Variants in PIK3CD observed in about 807,000 individuals in gnomAD.
PIK3CD encodes phosphatidylinositol-4,5-bisphosphate 3-kinase catalytic subunit delta, also known as phosphatidylinositol 4,5-bisphosphate 3-kinase catalytic subunit delta isoform.
PIK3CD carries 20 observed loss-of-function variants against 122.9 expected under a neutral mutation model. The observed-to-expected ratio is 0.16, with a 90% CI of 0.11 to 0.24. The LOEUF (loss-of-function observed/expected upper bound fraction) is 0.24. PIK3CD is among the 10% of genes least tolerant of loss of function. PIK3CD has a pLI of 1.00. For synonymous variants in PIK3CD, 596 were observed against 593.4 expected (o/e 1.00, Z -0.06); for missense variants, 787 against 1,406.3 (o/e 0.56, Z 7.04).
At chr1:9,696,411 A>AC (rs1172756695) in intron 2 of PIK3CD, among the ~76,000 whole-genome samples, 3 of 151,924 alleles carry the variant, frequency 2.0e-5, no homozygotes, top group African/African-American at 7.3e-5. Context: ...ACATAGTGAG[A>AC]CCCCATCTCT....
Position 9,718,680 on chromosome 1 carries a change from G to T in PIK3CD, c.1021-14G>T. 6.3e-7 allele frequency: 1 copy of T among 1,599,838 alleles called. No individual in the cohort carries two copies. Among genetic ancestry groups the T allele is most frequent in the Non-Finnish European group, 8.5e-7 (1 of 1,178,308 alleles). ...CCTCTGCCTCCTCACCCATCATCCC[G>T]GCACCTTCTACAGCTGGTGGTGCAG... is the stretch of plus-strand genomic sequence containing the variant. On this transcript the variant is annotated splice_polypyrimidine_tract_variant and intron_variant, in intron 8 of 23. Transcript: ENST00000377346. The surrounding 1 kb of genome is among the most constrained non-coding windows in gnomAD (Gnocchi z 7.2).
intron 23 of PIK3CD, among the ~76,000 whole-genome samples, chr1:9,726,248 C>G (rs1649559759): frequency 6.6e-6 from 1 of 151,712 alleles, no homozygotes; most frequent in South Asian, 2.1e-4. Context: ...ATGGCTCAGG[C>G]CTGTAAACCC....
chr1:9,648,349 G>A (rs958503387), upstream of PIK3CD, among the ~76,000 whole-genome samples: 1 of 152,206 alleles, frequency 6.6e-6, no homozygotes, highest in Non-Finnish European at 1.5e-5. Flanking sequence ...GATTTGAATT[G>A]CTGTCAGCAA....
At chr1:9,667,200 A>G (rs1167220071) in intron 1 of PIK3CD, among the ~76,000 whole-genome samples, 1 of 151,988 alleles carries the variant, frequency 6.6e-6, no homozygotes, top group Non-Finnish European at 1.5e-5. Context: ...GCACAGTGGC[A>G]TGCACCTGTA....
chr1:9,691,741 G>C, intron 2 of PIK3CD, 170 bp downstream of exon 2: 1 of 386,526 alleles, frequency 2.6e-6, no homozygotes, highest in Non-Finnish European at 4.6e-6. Context: ...TTGGTGCTAG[G>C]AGCGAATGAA....
chr1:9,726,541 T>C (rs1649657481), intron 23 of PIK3CD, among the ~76,000 whole-genome samples: 1 of 152,160 alleles, frequency 6.6e-6, no homozygotes, highest in South Asian at 2.1e-4. Context: ...ATATGTATTT[T>C]TTTTCCTTCT....
In PIK3CD at chr1:9,728,877, CTG is replaced by C. The variant is rs1650121265; in HGVS notation, c.*1834_*1835del. 1 of 152,188 alleles carries C rather than the reference CTG, an allele frequency of 6.6e-6. No homozygotes were observed. The highest frequency in any genetic ancestry group is 2.4e-5 in the African/African-American group (1 of 41,422). The allele number at this position is 152,188 out of a possible 1,614,324, so 9.4% of individuals were successfully genotyped here. A position where few individuals can be genotyped will look rare whatever the true frequency, so the allele number is the denominator to read the frequency against. ...ACTGATGTGGGTTGAGACCAGCACT[CTG>C]TGAAACCTTGAAATGAGAAGTAAAG... On this transcript the variant is annotated 3_prime_UTR_variant, in exon 24 of 24. Coordinates refer to ENST00000377346, the MANE Select transcript of PIK3CD (RefSeq NM_005026.5).
At chr1:9,650,323 G>C (rs1467568266), upstream of PIK3CD, among the ~76,000 whole-genome samples, 1 of 152,308 alleles carries the variant, frequency 6.6e-6, no homozygotes, top group African/African-American at 2.4e-5. Context: ...TCAGGAGGCT[G>C]AGGCAGGAGA....
At position 9,721,778 on chromosome 1, in the gene PIK3CD, C is replaced by A. The variant is rs780565270; in HGVS notation, c.1973C>A (p.Pro658Gln). 4 of 1,613,212 alleles carry A rather than the reference C, an allele frequency of 2.5e-6. No individual in the cohort carries two copies. The highest frequency in any genetic ancestry group is 1.7e-5 in the Admixed American group (1 of 60,028). Residue 658 changes from proline (P) to glutamine (Q), a missense_variant, in exon 16 of 24, where the codon CCG (proline) becomes CAG (glutamine). Around this residue, in one of 6 missense-constraint regions of PIK3CD, gnomAD observed 592 missense variants for 920.6 expected, o/e 0.64. Transcript: ENST00000377346. ...CCTTCCAGCTCCGAGATGCACGTGCCGTCGGTGGCCCTGCGCTTCGGCCTC... is the reference window on the plus strand; with the variant it reads ...CCTTCCAGCTCCGAGATGCACGTGCAGTCGGTGGCCCTGCGCTTCGGCCTC... ...FWHLRSEMHV[P>Q]SVALRFGLIL...
rs1647012297 is a variant in PIK3CD at position 9,710,665 on chromosome 1, A to T, written c.141+69A>T. Reference sequence around the variant, plus strand: ...GAGAGAGAGAGAGAGACACAGATAGACAGACAGACAGACAGACAGATGGAC... The same window carrying T: ...GAGAGAGAGAGAGAGACACAGATAGTCAGACAGACAGACAGACAGATGGAC... On this transcript the variant is annotated intron_variant, in intron 3 of 23. Coordinates refer to ENST00000377346, the MANE Select transcript of PIK3CD (RefSeq NM_005026.5). The surrounding 1 kb of genome is among the most constrained non-coding windows in gnomAD (Gnocchi z 4.7). 11 of 1,337,906 alleles carry T rather than the reference A, an allele frequency of 8.2e-6. No homozygotes were observed. The highest frequency in any genetic ancestry group is 1.1e-5 in the Non-Finnish European group (11 of 977,186). 82.9% of individuals were successfully genotyped at this position (1,337,906 alleles called of 1,614,324 possible).
intron 23 of PIK3CD, among the ~76,000 whole-genome samples, chr1:9,725,293 C>CCTGTAATCTCAGCA (rs1649349360): frequency 1.3e-5 from 2 of 152,228 alleles, no homozygotes; most frequent in Non-Finnish European, 2.9e-5. Flanking sequence ...GTGGCTCACG[C>CCTGTAATCTCAGCA]CTGTAATCTC....
chr1:9,633,956 C>T, the PIK3CD span, among the ~76,000 whole-genome samples: 1 of 150,760 alleles, frequency 6.6e-6, no homozygotes, highest in African/African-American at 2.4e-5. Flanking sequence ...ATTCCAGTTA[C>T]TAGGCTCACA....
rs1158942676 is a variant in PIK3CD, at chr1:9,689,310, G to A, written c.-137-2157G>A. Among the ~76,000 whole-genome samples, 2 of 152,054 alleles carry A rather than the reference G, an allele frequency of 1.3e-5. No homozygotes were observed. Among genetic ancestry groups the A allele is most frequent in the Non-Finnish European group, 2.9e-5 (2 of 67,968 alleles). On this transcript the variant is annotated intron_variant, in intron 1 of 23. Transcript: ENST00000377346. This position sits in a 1 kb window ranked among gnomAD's most constrained non-coding sequence, Gnocchi z 6.1. ...CGAACCCCAAGGGCCCCGCCTGGCA[G>A]CGTCCTGGGCCTCCGGGCGAGAACA...
rs377700192 is a variant in PIK3CD, at chr1:9,724,137, G to A, written c.2718+45G>A. On this transcript the variant is annotated intron_variant, in intron 21 of 23. Coordinates refer to ENST00000377346, the MANE Select transcript of PIK3CD (RefSeq NM_005026.5). The surrounding 1 kb of genome is among the most constrained non-coding windows in gnomAD (Gnocchi z 7.3). ...CGGCTGCTGTGGGGACTTGGCTTCT[G>A]GCCCCAGCCTGCTGGCCCCTCTGCC... The A allele has an allele frequency of 5.0e-6, 8 of 1,613,760 alleles. No individual in the cohort carries two copies. In the African/African-American group the frequency reaches 1.1e-4, roughly 22 times the overall value.
At chr1:9,684,746 C>A (rs12028984) in intron 1 of PIK3CD, among the ~76,000 whole-genome samples, 1 of 147,074 alleles carries the variant, frequency 6.8e-6, no homozygotes, top group Admixed American at 6.9e-5. Flanking sequence ...CTCAGCTACT[C>A]GGGAGGCTGA....
At chr1:9,661,839 AC>A (rs1379223982) in intron 1 of PIK3CD, among the ~76,000 whole-genome samples, 1 of 152,174 alleles carries the variant, frequency 6.6e-6, no homozygotes, top group African/African-American at 2.4e-5. Context: ...TATTAAAAAT[AC>A]AAAAAATTAG....
chr1:9,646,136 C>T, the PIK3CD span, among the ~76,000 whole-genome samples: 2 of 152,020 alleles, frequency 1.3e-5, no homozygotes, highest in African/African-American at 4.8e-5. Flanking sequence ...TAGCAAGGAT[C>T]TGGAAGAAGT....
intron 1 of PIK3CD, among the ~76,000 whole-genome samples, chr1:9,671,489 C>G (rs1645326167): frequency 6.6e-6 from 1 of 152,214 alleles, no homozygotes; most frequent in South Asian, 2.1e-4. Context: ...CCTGCTCAGC[C>G]TAGCTGAGTG....
rs769406028 is a variant in PIK3CD at position 9,722,624 on chromosome 1, A to T, written c.2426+18A>T. The T allele has an allele frequency of 6.2e-7, 1 of 1,605,420 alleles. No homozygotes were observed. The highest frequency in any genetic ancestry group is 8.5e-7 in the Non-Finnish European group (1 of 1,172,494). ...GACCTGAGGTGAGGACCCCCACCCCACATCGTCCCTTGGTGTCTGTGCCCA... is the reference window on the plus strand; with the variant it reads ...GACCTGAGGTGAGGACCCCCACCCCTCATCGTCCCTTGGTGTCTGTGCCCA... On this transcript the variant is annotated intron_variant, in intron 19 of 23. Transcript: ENST00000377346. The surrounding 1 kb of genome is among the most constrained non-coding windows in gnomAD (Gnocchi z 7.6).
Sources: gnomAD v4.1 joint callset for allele counts (sites outside exome capture counted in the v4.1 genomes callset) on GRCh38, gnomAD v4.1.1 for gene constraint, gnomAD v4.1.1 regional missense constraint, Gnocchi (gnomAD v3.1) non-coding constraint, MANE v1.5 for transcripts, NCBI Gene and HGNC (gene_info 2026-07-23, HGNC 2026-07-21) for gene names.